Variants in IFNAR1 observed in about 807,000 individuals in gnomAD.
IFNAR1 encodes the protein interferon alpha/beta receptor 1.
Under a neutral mutation model 62.1 loss-of-function variants are expected in IFNAR1, and 47 were observed. The ratio of observed to expected loss-of-function variants is 0.76; its 90% confidence interval spans 0.60 to 0.97. The LOEUF (loss-of-function observed/expected upper bound fraction) is 0.97. IFNAR1 is among the 50% of genes least tolerant of loss of function. IFNAR1 has a pLI of 0.00. For missense variants in IFNAR1, 638 were observed against 654.5 expected (o/e 0.97, Z 0.27); for synonymous variants, 219 against 226.9 (o/e 0.97, Z 0.31).
rs1377178064 is a variant in IFNAR1 at position 33,359,477 on chromosome 21, G to A, written c.*3928G>A. Reference sequence around the variant, plus strand: ...GCCGTCACTGTCCCCAGAGCCTGTGGAGATAGAGCCTGTTTGCTGCTTTTT... The same window carrying A: ...GCCGTCACTGTCCCCAGAGCCTGTGAAGATAGAGCCTGTTTGCTGCTTTTT... On this transcript the variant is annotated 3_prime_UTR_variant, in exon 11 of 11. Transcript: ENST00000270139. 6.6e-6 allele frequency: 1 copy of A among 152,216 alleles called. No individual in the cohort carries two copies. Among genetic ancestry groups the A allele is most frequent in the Non-Finnish European group, 1.5e-5 (1 of 68,064 alleles). The allele number at this position is 152,216 out of a possible 1,614,324, so 9.4% of individuals were successfully genotyped here.
Position 33,345,474 on chromosome 21 carries a change from A to G in IFNAR1, c.788+114A>G, listed in dbSNP as rs570040645. 100 of 685,572 alleles carry G rather than the reference A, an allele frequency of 1.5e-4. 3 individuals carry two copies. The South Asian group carries it at 1.5e-3, about 10-fold the overall frequency. 42.5% of individuals were successfully genotyped at this position (685,572 alleles called of 1,614,324 possible). A position where few individuals can be genotyped will look rare whatever the true frequency, so the allele number is the denominator to read the frequency against. ...CAGAATGACCGACTGGGAGGTGGGT[A>G]CGATATATTGGAAACGTGAGAAATC... On this transcript the variant is annotated intron_variant, in intron 6 of 10. Coordinates refer to ENST00000270139, the MANE Select transcript of IFNAR1 (RefSeq NM_000629.3).
chr21:33,335,411 T>C, intron 1 of IFNAR1, 113 bp from the exon 2 acceptor site: 1 of 548,828 alleles, frequency 1.8e-6, no homozygotes, highest in Non-Finnish European at 3.0e-6. Context: ...TAAAATATAC[T>C]TCATTATGTT....
chr21:33,345,140 T>G, intron 5 of IFNAR1, 106 bp from the exon 6 acceptor site: 3 of 650,404 alleles, frequency 4.6e-6, no homozygotes, highest in Non-Finnish European at 8.3e-6. Context: ...ACAAACCATA[T>G]TTAACTATTA....
In IFNAR1 at chr21:33,343,368, T is replaced by C; in HGVS notation, c.477T>C (p.Asp159=). The change falls in exon 4 of 11, where the codon GAT becomes GAC. Residue 159 remains aspartate, a synonymous_variant. Coordinates refer to ENST00000270139, the MANE Select transcript of IFNAR1 (RefSeq NM_000629.3). ...GTKDSVMWAL[D]GLSFTYSLVI... Reference sequence around the variant, plus strand: ...AAGATAGTGTTATGTGGGCTTTGGATGGTTTAAGCTTTACATATAGCTTAG... The same window carrying C: ...AAGATAGTGTTATGTGGGCTTTGGACGGTTTAAGCTTTACATATAGCTTAG... 3 of 1,612,954 alleles carry C rather than the reference T, an allele frequency of 1.9e-6. No individual in the cohort carries two copies. Among genetic ancestry groups the C allele is most frequent in the Non-Finnish European group, 2.5e-6 (3 of 1,178,974 alleles).
chr21:33,353,918 C>A, intron 10 of IFNAR1, 135 bp downstream of exon 10: 1 of 596,740 alleles, frequency 1.7e-6, no homozygotes, highest in Non-Finnish European at 2.9e-6. Context: ...TTCTTCAAAG[C>A]TTTAGTCAAT....
Position 33,341,102 on chromosome 21 carries a change from T to C in IFNAR1, c.304T>C (p.Leu102=). ...GCTGAATGTTTATGAAGAAATTAAA[T>C]TGCGTATAAGAGCAGAAAAAGAAAA... ...LKLNVYEEIK[L]RIRAEKENTS... is the part of the protein sequence containing the mutation. The change falls in exon 3 of 11, where the codon TTG becomes CTG. Residue 102 remains leucine (L), a synonymous_variant. Coordinates refer to ENST00000270139, the MANE Select transcript of IFNAR1 (RefSeq NM_000629.3). 1 of 1,613,340 alleles carries C rather than the reference T, an allele frequency of 6.2e-7. No individual in the cohort carries two copies. The highest frequency in any genetic ancestry group is 1.3e-5 in the African/African-American group (1 of 75,018).
intron 1 of IFNAR1, among the ~76,000 whole-genome samples, chr21:33,327,861 A>G (rs1245243271): frequency 6.6e-6 from 1 of 152,204 alleles, no homozygotes; most frequent in Non-Finnish European, 1.5e-5. Context: ...CTGGAAAGGC[A>G]GGACAACTCA....
chr21:33,343,156 T>A, intron 3 of IFNAR1, 112 bp from the exon 4 acceptor site: 1 of 818,652 alleles, frequency 1.2e-6, no homozygotes. Flanking sequence ...CTGTATGCTC[T>A]TAACTCCCAG....
At chr21:33,333,626 C>T (rs4817559) in intron 1 of IFNAR1, among the ~76,000 whole-genome samples, 55,274 of 94,900 alleles carry the variant, frequency 0.58, 13,373 homozygotes, top group South Asian at 0.65. Flanking sequence ...TTTTTTTTTT[C>T]TTTTTTTTTT....
At position 33,355,105 on chromosome 21, in the gene IFNAR1, A is replaced by C. The variant is rs747744490; in HGVS notation, c.1441-211A>C. Among the ~76,000 whole-genome samples, 4 of 152,232 alleles carry C rather than the reference A, an allele frequency of 2.6e-5. 1 individual carries two copies. Among genetic ancestry groups the C allele is most frequent in the African/African-American group, 7.2e-5 (3 of 41,546 alleles). The stretch of plus-strand genomic sequence containing the variant: ...CTTAGGTACTCTTCAAAGACTCACC[A>C]CAGAAGGTACTAAGATATGAGTGAC... On this transcript the variant is annotated intron_variant, in intron 10 of 10. Coordinates refer to ENST00000270139, the MANE Select transcript of IFNAR1 (RefSeq NM_000629.3).
chr21:33,346,188 G>C (rs2083344366), intron 6 of IFNAR1, among the ~76,000 whole-genome samples: 1 of 152,160 alleles, frequency 6.6e-6, no homozygotes, highest in South Asian at 2.1e-4. Context: ...GAAAAGAGAA[G>C]AGGAAAATTA....
intron 1 of IFNAR1, among the ~76,000 whole-genome samples, chr21:33,333,837 A>G (rs1568926536): frequency 6.6e-6 from 1 of 151,734 alleles, no homozygotes; most frequent in African/African-American, 2.4e-5. Context: ...GTTAGCCAGG[A>G]TGGTCTCGAT....
intron 2 of IFNAR1, among the ~76,000 whole-genome samples, chr21:33,336,510 C>A (rs2083237170): frequency 6.6e-6 from 1 of 150,860 alleles, no homozygotes; most frequent in African/African-American, 2.4e-5. Context: ...CTGACTTCCA[C>A]AATGGTTGAA....
intron 8 of IFNAR1, among the ~76,000 whole-genome samples, chr21:33,350,601 A>T (rs2083389182): frequency 6.6e-6 from 1 of 150,682 alleles, no homozygotes; most frequent in South Asian, 2.1e-4. Flanking sequence ...CAGATAATAT[A>T]CGTGTTTCCC....
At chr21:33,329,251 A>G (rs543756603) in intron 1 of IFNAR1, among the ~76,000 whole-genome samples, 162 of 152,314 alleles carry the variant, frequency 1.1e-3, no homozygotes, top group Non-Finnish European at 2.0e-3. Flanking sequence ...AAATACTACA[A>G]ATGCCATCAG....
chr21:33,333,608 C>T (rs955690377), intron 1 of IFNAR1, among the ~76,000 whole-genome samples: 4 of 137,226 alleles, frequency 2.9e-5, no homozygotes, highest in East Asian at 4.1e-4. Flanking sequence ...AAGAGACTGG[C>T]GGAATATTTT....
At chr21:33,338,989 C>T (rs893249145) in intron 2 of IFNAR1, among the ~76,000 whole-genome samples, 5 of 151,908 alleles carry the variant, frequency 3.3e-5, no homozygotes, top group African/African-American at 1.2e-4. Flanking sequence ...TGATCCACCC[C>T]CCTCGGCCTC....
Position 33,356,720 on chromosome 21 carries a change from T to A in IFNAR1, c.*1171T>A, listed in dbSNP as rs1042389999. The A allele has an allele frequency of 1.8e-4, 27 of 152,212 alleles. No individual in the cohort carries two copies. The highest frequency in any genetic ancestry group is 6.3e-4 in the African/African-American group (26 of 41,450). The allele number at this position is 152,212 out of a possible 1,614,324, so 9.4% of individuals were successfully genotyped here. On this transcript the variant is annotated 3_prime_UTR_variant, in exon 11 of 11. Coordinates refer to ENST00000270139, the MANE Select transcript of IFNAR1 (RefSeq NM_000629.3). ...ATACATGCCATGCCAGAAGATAGTG[T>A]ATGCAAGAAGTCTTGGGACCAGAAA...
In IFNAR1 at chr21:33,358,039, A is replaced by C. The variant is rs1004272944; in HGVS notation, c.*2490A>C. On this transcript the variant is annotated 3_prime_UTR_variant, in exon 11 of 11. Transcript: ENST00000270139. ...AGCAATGCCCTTGTAGGATGTGGAGAAGGGAAAATACGGACATTAACATTA... is the reference window on the plus strand; with the variant it reads ...AGCAATGCCCTTGTAGGATGTGGAGCAGGGAAAATACGGACATTAACATTA... The C allele has an allele frequency of 2.9e-4, 44 of 152,192 alleles. No individual in the cohort carries two copies. Among genetic ancestry groups the C allele is most frequent in the African/African-American group, 9.9e-4 (41 of 41,436 alleles). The allele number at this position is 152,192 out of a possible 1,614,324, so 9.4% of individuals were successfully genotyped here.
Sources: gnomAD v4.1 joint callset for allele counts (sites outside exome capture counted in the v4.1 genomes callset) on GRCh38, gnomAD v4.1.1 for gene constraint, MANE v1.5 for transcripts, NCBI Gene and HGNC (gene_info 2026-07-23, HGNC 2026-07-21) for gene names.